Variants in EML1 observed in about 807,000 individuals in gnomAD.
The protein encoded by EML1 is echinoderm microtubule-associated protein-like 1.
A neutral mutation model predicts 110.4 loss-of-function variants in EML1; 27 were observed. The observed-to-expected ratio is 0.24, with a 90% confidence interval of 0.18 to 0.34. The LOEUF (loss-of-function observed/expected upper bound fraction) is 0.34. Ranked by LOEUF, EML1 falls within the 10% of genes least tolerant of loss-of-function variation. The probability of loss-of-function intolerance (pLI) is 1.00; values close to 1 mark genes in which losing one functional copy is unlikely to be tolerated. For synonymous variants in EML1, 344 were observed against 385.8 expected (o/e 0.89, Z 1.27); for missense variants, 741 against 1,030.9 (o/e 0.72, Z 3.85).
At chr14:99,870,503 A>G (rs2059179591) in intron 3 of EML1, among the ~76,000 whole-genome samples, 1 of 152,222 alleles carries the variant, frequency 6.6e-6, no homozygotes, top group Non-Finnish European at 1.5e-5. Context: ...TAGATGAAAC[A>G]GCGTTACATT....
At chr14:99,864,094 T>C (rs1457039072) in intron 2 of EML1, among the ~76,000 whole-genome samples, 1 of 152,266 alleles carries the variant, frequency 6.6e-6, no homozygotes, top group African/African-American at 2.4e-5. Context: ...ACAAATGACG[T>C]TGAGCATCTT....
At chr14:99,875,062 G>A (rs2059267420) in intron 3 of EML1, 5 of 1,439,592 alleles carry the variant, frequency 3.5e-6, no homozygotes, top group Non-Finnish European at 3.9e-6. Flanking sequence ...TAACGTAGTA[G>A]CTTCAAGGTC....
chr14:99,856,299 CAT>C (rs1329792629), intron 2 of EML1, among the ~76,000 whole-genome samples: 3 of 151,706 alleles, frequency 2.0e-5, no homozygotes, highest in Non-Finnish European at 4.4e-5. Flanking sequence ...ATATTTAAAA[CAT>C]GAATATAATT....
intron 1 of EML1, among the ~76,000 whole-genome samples, chr14:99,767,493 T>C (rs1380232356): frequency 1.3e-5 from 2 of 152,050 alleles, no homozygotes; most frequent in Non-Finnish European, 2.9e-5. Flanking sequence ...GCCCTGCTAC[T>C]CGGGAGTCTG....
At chr14:99,914,989 A>C in intron 15 of EML1, 1 of 412,626 alleles carries the variant, frequency 2.4e-6, no homozygotes, top group Non-Finnish European at 4.3e-6. Context: ...CCATCCTAAG[A>C]GCTGAAAAAT....
In EML1 at chr14:99,891,221, A is replaced by C. The variant is rs898634202; in HGVS notation, c.541A>C (p.Ser181Arg). Residue 181 changes from serine to arginine, a missense_variant, in exon 5 of 22, where the codon AGT becomes CGT. Ser to Arg is a moderately radical substitution (Grantham distance 110, BLOSUM62 -1). Around this residue, in one of 4 missense-constraint regions of EML1, gnomAD observed 226 missense variants for 255.6 expected, o/e 0.88. Transcript: ENST00000262233. ...SESKPKEPVF[S>R]AEEGYVKMFL... ...CAGCAAACCCAAGGAGCCTGTATTC[A>C]GTGCAGGTAAGTCTGATTTAATTTA... 8 of 1,614,174 alleles carry C rather than the reference A, an allele frequency of 5.0e-6. No homozygotes were observed. The highest frequency in any genetic ancestry group is 5.9e-6 in the Non-Finnish European group (7 of 1,180,022).
intron 1 of EML1, among the ~76,000 whole-genome samples, chr14:99,829,159 G>T (rs939447133): frequency 6.6e-6 from 1 of 152,196 alleles, no homozygotes; most frequent in Admixed American, 6.5e-5. Flanking sequence ...TTCTTTGGGC[G>T]CCCCTTTTTC....
intron 4 of EML1, among the ~76,000 whole-genome samples, chr14:99,888,050 CT>C (rs1364305005): frequency 1.3e-5 from 2 of 152,146 alleles, no homozygotes; most frequent in Non-Finnish European, 2.9e-5. Flanking sequence ...AAAAACTCAA[CT>C]TTCTAAAATA....
chr14:99,807,437 G>A (rs540643032), intron 1 of EML1, among the ~76,000 whole-genome samples: 8 of 152,288 alleles, frequency 5.3e-5, no homozygotes, highest in East Asian at 1.9e-4. Context: ...AATTTAAGGC[G>A]ATTGTGACAA....
At chr14:99,753,183 A>ACCCCCCC (rs2057196860) in intron 1 of EML1, among the ~76,000 whole-genome samples, 2 of 18,650 alleles carry the variant, frequency 1.1e-4, no homozygotes, top group Non-Finnish European at 1.2e-4. Context: ...CCACCCCCCT[A>ACCCCCCC]CCCGCACCCC....
chr14:99,885,853 G>A (rs1452413751), intron 4 of EML1: 1 of 455,576 alleles, frequency 2.2e-6, no homozygotes, highest in South Asian at 1.6e-5. Flanking sequence ...TCCTCACAGT[G>A]GTTGTATTCC....
At chr14:99,924,001 G>A (rs1028013468) in intron 17 of EML1, among the ~76,000 whole-genome samples, 3 of 152,136 alleles carry the variant, frequency 2.0e-5, no homozygotes, top group Admixed American at 1.3e-4. Context: ...TTGTAAGAGG[G>A]ATTATGTTTA....
At chr14:99,892,643 C>G (rs1409104899) in intron 5 of EML1, among the ~76,000 whole-genome samples, 2 of 152,334 alleles carry the variant, frequency 1.3e-5, no homozygotes, top group Middle Eastern at 3.4e-3. Flanking sequence ...CAGTACAAAA[C>G]AGTGCCAAGG....
chr14:99,921,161 G>A (rs2060124255), intron 17 of EML1, among the ~76,000 whole-genome samples: 1 of 152,052 alleles, frequency 6.6e-6, no homozygotes, highest in Non-Finnish European at 1.5e-5. Context: ...TTATAAGTGA[G>A]CCCATGCGGT....
chr14:99,797,193 T>G (rs1390933020), intron 1 of EML1, among the ~76,000 whole-genome samples: 1 of 152,210 alleles, frequency 6.6e-6, no homozygotes, highest in Non-Finnish European at 1.5e-5. Context: ...TAAATGGAAT[T>G]ATAGAATGTT....
intron 1 of EML1, among the ~76,000 whole-genome samples, chr14:99,774,503 C>T (rs1196086880): frequency 2.0e-5 from 3 of 152,238 alleles, no homozygotes; most frequent in Admixed American, 2.0e-4. Context: ...CCCTCCTCCT[C>T]TGGGACTCCT....
At chr14:99,911,321 G>A (rs998871107) in intron 12 of EML1, 101 bp from the exon 13 acceptor site, 2 of 1,353,914 alleles carry the variant, frequency 1.5e-6, no homozygotes, top group African/African-American at 3.0e-5. Context: ...ATGTGCTCAC[G>A]GACAATATTG....
chr14:99,752,700 G>A (rs955094707), intron 1 of EML1, among the ~76,000 whole-genome samples: 12 of 152,204 alleles, frequency 7.9e-5, no homozygotes, highest in Non-Finnish European at 1.5e-4. Flanking sequence ...GTAAACCACA[G>A]CTTTCAGGGG....
At chr14:99,883,039 T>C (rs938631552) in intron 4 of EML1, among the ~76,000 whole-genome samples, 3 of 152,110 alleles carry the variant, frequency 2.0e-5, no homozygotes, top group Non-Finnish European at 2.9e-5. Context: ...CGCAAAGTTG[T>C]TTTTCCTTTA....
Sources: gnomAD v4.1 joint callset for allele counts (sites outside exome capture counted in the v4.1 genomes callset) on GRCh38, gnomAD v4.1.1 for gene constraint, gnomAD v4.1.1 regional missense constraint, MANE v1.5 for transcripts, NCBI Gene and HGNC (gene_info 2026-07-23, HGNC 2026-07-21) for gene names.